TADA2A: variants seen among roughly 807,000 people sequenced by gnomAD.
TADA2A encodes the protein transcriptional adaptor 2A.
In TADA2A, 38 loss-of-function variants were observed where a neutral mutation model predicts 67.4. That is an observed-to-expected ratio of 0.56 (90% CI 0.44 to 0.74). The LOEUF is 0.74. Among genes scored for constraint, TADA2A ranks in the 30% least tolerant of loss-of-function variants. TADA2A has a pLI of 0.00. For missense variants in TADA2A, 454 were observed against 547.0 expected, an observed-to-expected ratio of 0.83 and a Z score of 1.70; for synonymous variants, 192 against 181.6, an observed-to-expected ratio of 1.06 and a Z score of -0.46.
In TADA2A at chr17:37,469,198, C is replaced by T. The variant is rs535099853; in HGVS notation, c.896-1202C>T. 1.8e-4 allele frequency among the ~76,000 whole-genome samples: 27 copies of T among 151,898 alleles called. No individual in the cohort carries two copies. In the South Asian group the frequency reaches 4.4e-3, roughly 25 times the overall value. Reference sequence around the variant, plus strand: ...CTGGGATTACAGGTGTGAGCCACCACGCCCGGCAATAGTTGGCTTCTTAAC... The same window carrying T: ...CTGGGATTACAGGTGTGAGCCACCATGCCCGGCAATAGTTGGCTTCTTAAC... On this transcript the variant is annotated intron_variant, in intron 12 of 15. Transcript: ENST00000615182.
At chr17:37,454,964 T>C (rs1007707797) in intron 8 of TADA2A, 2 of 175,266 alleles carry the variant, frequency 1.1e-5, no homozygotes, top group Admixed American at 5.8e-5. Flanking sequence ...TTCTTAAAGA[T>C]TGGACTGTAG....
At chr17:37,407,176 G>T (rs960253596) in intron 1 of TADA2A, 1 of 150,896 alleles carries the variant, frequency 6.6e-6, no homozygotes, top group African/African-American at 2.4e-5. Flanking sequence ...GCCTGACCCC[G>T]GGGGCCCGCC....
At chr17:37,427,095 G>A (rs1026154176) in intron 4 of TADA2A, 86 bp downstream of exon 4, 9 of 1,204,056 alleles carry the variant, frequency 7.5e-6, no homozygotes, top group Non-Finnish European at 1.0e-5. Context: ...TTTTCTTTAA[G>A]CTCTCTTGGA....
intron 8 of TADA2A, among the ~76,000 whole-genome samples, chr17:37,448,763 G>T (rs2053152265): frequency 6.6e-6 from 1 of 152,182 alleles, no homozygotes; most frequent in African/African-American, 2.4e-5. Context: ...TGTGTTTCCA[G>T]TACTTCTCAG....
At chr17:37,458,407 A>G in intron 8 of TADA2A, 117 bp from the exon 9 acceptor site, 1 of 508,204 alleles carries the variant, frequency 2.0e-6, no homozygotes, top group South Asian at 8.3e-5. Context: ...AGTGTGGAGT[A>G]ATTAGCAATA....
intron 8 of TADA2A, among the ~76,000 whole-genome samples, chr17:37,456,915 T>C (rs2148011558): frequency 6.6e-6 from 1 of 152,244 alleles, no homozygotes; most frequent in East Asian, 1.9e-4. Context: ...GCCTCTTTCC[T>C]CCTTCTTCCC....
chr17:37,449,048 T>C (rs1300598509), intron 8 of TADA2A, among the ~76,000 whole-genome samples: 1 of 151,592 alleles, frequency 6.6e-6, no homozygotes, highest in Non-Finnish European at 1.5e-5. Context: ...TGAGACGGAG[T>C]CTCGCTCTAT....
chr17:37,462,856 T>C (rs982096790), intron 10 of TADA2A, among the ~76,000 whole-genome samples: 1 of 152,214 alleles, frequency 6.6e-6, no homozygotes, highest in Non-Finnish European at 1.5e-5. Context: ...GTGATCTTTA[T>C]TTTGGATGGT....
rs6607274 is a variant in TADA2A, at chr17:37,465,093, C to T, written c.713-338C>T. ...AATCCAGGAGATGGAGGTTGCAGTG[C>T]GCCGAGATCACCCCAACGCACTCCA... On this transcript the variant is annotated intron_variant, in intron 10 of 15. Transcript: ENST00000615182. 7.2e-3 allele frequency among the ~76,000 whole-genome samples: 1,051 copies of T among 145,344 alleles called. 8 individuals carry two copies. The highest frequency in any genetic ancestry group is 0.025 in the African/African-American group (985 of 39,126).
chr17:37,470,988 T>G, intron 13 of TADA2A, 106 bp from the exon 14 acceptor site: 3 of 1,062,132 alleles, frequency 2.8e-6, no homozygotes, highest in Non-Finnish European at 4.4e-6. Flanking sequence ...CTCATTACAC[T>G]TCTTCAAGGT....
At chr17:37,455,157 T>G (rs1208320412) in intron 8 of TADA2A, among the ~76,000 whole-genome samples, 1 of 152,162 alleles carries the variant, frequency 6.6e-6, no homozygotes, top group African/African-American at 2.4e-5. Flanking sequence ...AATTTCAGAT[T>G]CTATTGCAAT....
intron 7 of TADA2A, among the ~76,000 whole-genome samples, chr17:37,444,156 G>A (rs776949484): frequency 4.6e-5 from 7 of 151,804 alleles, no homozygotes; most frequent in Non-Finnish European, 8.8e-5. Flanking sequence ...CTGCTTGAGA[G>A]GCTGAGGCAA....
intron 2 of TADA2A, among the ~76,000 whole-genome samples, chr17:37,422,498 T>TTATTATTATTA (rs1555681189): frequency 6.9e-6 from 1 of 144,962 alleles, no homozygotes; most frequent in African/African-American, 2.5e-5. Context: ...ATTATTATTA[T>TTATTATTATTA]TATTATTATT....
intron 9 of TADA2A, 146 bp from the exon 10 acceptor site, chr17:37,461,932 G>A: frequency 1.6e-6 from 1 of 621,452 alleles, no homozygotes; most frequent in Non-Finnish European, 2.8e-6. Flanking sequence ...TCACTGACCT[G>A]CAGAAATTTG....
intron 8 of TADA2A, chr17:37,450,597 T>TC (rs1263097865): frequency 6.6e-6 from 1 of 152,216 alleles, no homozygotes; most frequent in African/African-American, 2.4e-5. Context: ...AGACTGTGCT[T>TC]CCCCCAAAGC....
chr17:37,467,031 C>T (rs751970628), intron 11 of TADA2A, among the ~76,000 whole-genome samples: 1 of 152,066 alleles, frequency 6.6e-6, no homozygotes, highest in Non-Finnish European at 1.5e-5. Context: ...GTGGTAGATG[C>T]CTGTAATCCC....
chr17:37,449,830 C>T lies in TADA2A; in HGVS notation c.604+5062C>T, dbSNP rs182652967. 4.3e-4 allele frequency among the ~76,000 whole-genome samples: 66 copies of T among 152,236 alleles called. 1 individual carries two copies. In the East Asian group the frequency reaches 0.012, roughly 27 times the overall value. On this transcript the variant is annotated intron_variant, in intron 8 of 15. Coordinates refer to ENST00000615182, the MANE Select transcript of TADA2A (RefSeq NM_001166105.3). ...AGAGACAGGGTCTCACTATGTTGCT[C>T]AGGCTCAACCTTGAATGTTTGTTGC...
At position 37,465,348 on chromosome 17, in the gene TADA2A, C is replaced by T. The variant is rs1188854811; in HGVS notation, c.713-83C>T. ...TTATGAATAATGTTCTTCCATTTTA[C>T]TAATTGTAAAAAAAAAAAAATGCTG... On this transcript the variant is annotated intron_variant, in intron 10 of 15. Transcript: ENST00000615182. 4 of 1,019,420 alleles carry T rather than the reference C, an allele frequency of 3.9e-6. No individual in the cohort carries two copies. In the East Asian group the frequency reaches 9.7e-5, roughly 25 times the overall value. 63.1% of individuals were successfully genotyped at this position (1,019,420 alleles called of 1,614,324 possible).
chr17:37,429,313 T>C (rs968451623), intron 4 of TADA2A, among the ~76,000 whole-genome samples: 5 of 152,300 alleles, frequency 3.3e-5, no homozygotes, highest in East Asian at 1.9e-4. Context: ...CTCTCTACTT[T>C]AAGGTCAGCT....
Sources: gnomAD v4.1 joint callset for allele counts (sites outside exome capture counted in the v4.1 genomes callset) on GRCh38, gnomAD v4.1.1 for gene constraint, MANE v1.5 for transcripts, NCBI Gene and HGNC (gene_info 2026-07-23, HGNC 2026-07-21) for gene names.